Variants in RNF150 observed in about 807,000 individuals in gnomAD.
The protein encoded by RNF150 is ring finger protein 150.
Under a neutral mutation model 39.3 loss-of-function variants are expected in RNF150, and 24 were observed. That is an observed-to-expected ratio of 0.61 (90% CI 0.44 to 0.86). The LOEUF (loss-of-function observed/expected upper bound fraction) is 0.86, where lower values mean the gene tolerates loss of function less well. Ranked by LOEUF, RNF150 falls within the 40% of genes least tolerant of loss-of-function variation. RNF150 has a pLI of 0.00. For missense variants in RNF150, 502 were observed against 587.8 expected (o/e 0.85, Z 1.51); for synonymous variants, 255 against 227.3 (o/e 1.12, Z -1.10).
intron 1 of RNF150, among the ~76,000 whole-genome samples, chr4:141,190,155 A>T (rs1477918617): frequency 6.6e-6 from 1 of 152,058 alleles, no homozygotes; most frequent in African/African-American, 2.4e-5. Context: ...CAGGGGCTGT[A>T]CCCACTTCTA....
At chr4:141,188,939 C>A (rs577201601) in intron 1 of RNF150, among the ~76,000 whole-genome samples, 127 of 152,302 alleles carry the variant, frequency 8.3e-4, no homozygotes, top group Non-Finnish European at 1.5e-3. Flanking sequence ...GAGTTATGAT[C>A]CTTTGGAGGA....
intron 1 of RNF150, among the ~76,000 whole-genome samples, chr4:141,056,702 C>T (rs1248501129): frequency 1.3e-5 from 2 of 151,802 alleles, no homozygotes; most frequent in African/African-American, 4.8e-5. Context: ...TAGCTGAAGA[C>T]ATGAAGGCGT....
chr4:141,100,831 T>C (rs1738982133), intron 1 of RNF150, among the ~76,000 whole-genome samples: 1 of 152,230 alleles, frequency 6.6e-6, no homozygotes, highest in Admixed American at 6.5e-5. Context: ...CACAAACCTG[T>C]ACAGCATGTT....
intron 1 of RNF150, among the ~76,000 whole-genome samples, chr4:141,074,623 A>G (rs883077): frequency 0.5 from 75,547 of 151,838 alleles, 20,916 homozygotes; most frequent in Non-Finnish European, 0.64. Context: ...TGTGGGATCT[A>G]GACCAAAAAA....
chr4:141,100,741 T>C (rs1165199796), intron 1 of RNF150, among the ~76,000 whole-genome samples: 1 of 152,162 alleles, frequency 6.6e-6, no homozygotes, highest in Non-Finnish European at 1.5e-5. Context: ...GGAAACATCA[T>C]AGAGTGTACT....
chr4:141,087,622 C>T (rs556722812), intron 1 of RNF150, among the ~76,000 whole-genome samples: 1 of 152,202 alleles, frequency 6.6e-6, no homozygotes, highest in African/African-American at 2.4e-5. Context: ...TTTTATAGGT[C>T]CTGCTCTCAT....
At chr4:141,088,678 T>TAC (rs60239559) in intron 1 of RNF150, among the ~76,000 whole-genome samples, 11,100 of 146,494 alleles carry the variant, frequency 0.076, 453 homozygotes, top group African/African-American at 0.11. Context: ...ACTTTGCTTT[T>TAC]ACACACACAC....
At chr4:140,990,203 G>T (rs1157322760) in intron 1 of RNF150, among the ~76,000 whole-genome samples, 5 of 152,272 alleles carry the variant, frequency 3.3e-5, no homozygotes, top group Admixed American at 2.0e-4. Flanking sequence ...ATAAGTGCCT[G>T]TACAACCAGT....
intron 4 of RNF150, among the ~76,000 whole-genome samples, chr4:140,943,252 C>G (rs952613461): frequency 6.6e-6 from 1 of 152,046 alleles, no homozygotes; most frequent in Non-Finnish European, 1.5e-5. Context: ...AAAAAAGACC[C>G]CCAATAATCT....
chr4:141,100,664 C>T (rs1482333271), intron 1 of RNF150, among the ~76,000 whole-genome samples: 2 of 152,152 alleles, frequency 1.3e-5, no homozygotes, highest in Non-Finnish European at 2.9e-5. Context: ...AGGAGATGTA[C>T]GTCATGTGTT....
upstream of RNF150, among the ~76,000 whole-genome samples, chr4:141,134,240 C>T (rs2111116472): frequency 6.6e-6 from 1 of 152,272 alleles, no homozygotes; most frequent in South Asian, 2.1e-4. Flanking sequence ...ATAGAGATTA[C>T]AGTAGTCAGC....
At chr4:141,188,380 T>G (rs1422153364) in intron 1 of RNF150, among the ~76,000 whole-genome samples, 2 of 152,174 alleles carry the variant, frequency 1.3e-5, no homozygotes, top group East Asian at 3.8e-4. Context: ...TTTCCTGAAT[T>G]TGAATGTTGG....
chr4:140,977,358 A>G (rs140775992), intron 1 of RNF150, among the ~76,000 whole-genome samples: 2,013 of 152,264 alleles, frequency 0.013, 23 homozygotes, highest in Non-Finnish European at 0.018. Flanking sequence ...TATTTGAGTT[A>G]TAACGAAGCA....
chr4:141,204,499 C>A (rs1474711189), intron 1 of RNF150, among the ~76,000 whole-genome samples: 1 of 152,150 alleles, frequency 6.6e-6, no homozygotes, highest in Non-Finnish European at 1.5e-5. Context: ...ATAGTAGACA[C>A]TAAAGAAGTA....
intron 1 of RNF150, among the ~76,000 whole-genome samples, chr4:141,174,598 C>G (rs188877325): frequency 2.6e-5 from 4 of 152,198 alleles, no homozygotes; most frequent in Admixed American, 6.5e-5. Flanking sequence ...ATATTATTGG[C>G]TAGAAAGTTC....
At chr4:141,154,216 A>C (rs561973838) in intron 1 of RNF150, among the ~76,000 whole-genome samples, 1 of 152,202 alleles carries the variant, frequency 6.6e-6, no homozygotes, top group African/African-American at 2.4e-5. Flanking sequence ...AAGCAGAAAG[A>C]CTCTGTGTCC....
chr4:141,056,228 A>G (rs573938901), intron 1 of RNF150, among the ~76,000 whole-genome samples: 4 of 152,248 alleles, frequency 2.6e-5, no homozygotes, highest in Non-Finnish European at 5.9e-5. Flanking sequence ...TATAAACTAG[A>G]TATAAACAGA....
chr4:141,057,572 G>A (rs770707204), intron 1 of RNF150, among the ~76,000 whole-genome samples: 63 of 151,928 alleles, frequency 4.1e-4, no homozygotes, highest in Non-Finnish European at 5.1e-4. Flanking sequence ...AGTCCCCAAA[G>A]TCCATTATAT....
intron 6 of RNF150, among the ~76,000 whole-genome samples, chr4:140,875,978 C>T (rs772651319): frequency 2.2e-4 from 33 of 152,082 alleles, no homozygotes; most frequent in Non-Finnish European, 4.0e-4. Context: ...CAAACATTGC[C>T]CTCAGAATAA....
Sources: gnomAD v4.1 joint callset for allele counts (sites outside exome capture counted in the v4.1 genomes callset) on GRCh38, gnomAD v4.1.1 for gene constraint, MANE v1.5 for transcripts, NCBI Gene and HGNC (gene_info 2026-07-23, HGNC 2026-07-21) for gene names.